Variants in PTPRD observed in about 807,000 individuals in gnomAD.
The protein encoded by PTPRD is receptor-type tyrosine-protein phosphatase delta.
Under a neutral mutation model 214.5 loss-of-function variants are expected in PTPRD, and 34 were observed. That is an observed-to-expected ratio of 0.16 (90% CI 0.12 to 0.21). The LOEUF is 0.21. Among genes scored for constraint, PTPRD ranks in the 10% least tolerant of loss-of-function variants. PTPRD has a pLI of 1.00. For missense variants in PTPRD, 2,545 were observed against 2,398.7 expected (o/e 1.06, Z -1.27); for synonymous variants, 1,128 against 845.7 (o/e 1.33, Z -5.79).
intron 32 of PTPRD, among the ~76,000 whole-genome samples, chr9:8,461,726 A>C (rs1418193445): frequency 6.6e-6 from 1 of 151,908 alleles, no homozygotes; most frequent in Non-Finnish European, 1.5e-5. Flanking sequence ...ATTTTGAATT[A>C]AACCAGTCCC....
At chr9:8,919,449 G>T (rs890098932) in intron 11 of PTPRD, among the ~76,000 whole-genome samples, 3 of 150,450 alleles carry the variant, frequency 2.0e-5, no homozygotes, top group Non-Finnish European at 4.4e-5. Context: ...CAAACTCCAT[G>T]CAATATTTTT....
intron 5 of PTPRD, among the ~76,000 whole-genome samples, chr9:9,907,160 T>G (rs2077805417): frequency 4.9e-5 from 2 of 40,942 alleles, no homozygotes; most frequent in South Asian, 2.4e-3. Flanking sequence ...TTCCCCAAAC[T>G]CCAGGTTTTT....
chr9:10,018,538 C>CTTTTTTTTTTTTTTTTTTT lies in PTPRD; in HGVS notation c.-472+15161_-472+15179dup, dbSNP rs71321214. Among the ~76,000 whole-genome samples, 2 of 71,094 alleles carry CTTTTTTTTTTTTTTTTTTT rather than the reference C, an allele frequency of 2.8e-5. 1 individual carries two copies. Among genetic ancestry groups the CTTTTTTTTTTTTTTTTTTT allele is most frequent in the Non-Finnish European group, 5.4e-5 (2 of 36,838 alleles). 46.6% of individuals were successfully genotyped at this position (71,094 alleles called of 152,430 possible). ...AATGATTTATTTAAGAATTACATTT[C>CTTTTTTTTTTTTTTTTTTT]TTTTTTTTTTTTTTTTTTTTTTTTT... is the stretch of plus-strand genomic sequence containing the variant. On this transcript the variant is annotated intron_variant, in intron 4 of 45. Transcript: ENST00000381196.
intron 3 of PTPRD, among the ~76,000 whole-genome samples, chr9:10,284,035 T>G (rs1359791709): frequency 6.6e-6 from 1 of 152,118 alleles, no homozygotes; most frequent in African/African-American, 2.4e-5. Context: ...GAAAAAGAAA[T>G]AATTTAGACT....
intron 15 of PTPRD, 73 bp from the exon 16 acceptor site, chr9:8,527,426 T>A: frequency 7.0e-7 from 1 of 1,429,386 alleles, no homozygotes; most frequent in Non-Finnish European, 9.7e-7. Flanking sequence ...TTGGTACAAA[T>A]TTTTCAGAGT....
At chr9:9,779,078 CAAAAAAAAAAAAA>C (rs869120926) in intron 5 of PTPRD, among the ~76,000 whole-genome samples, 11 of 45,484 alleles carry the variant, frequency 2.4e-4, no homozygotes, top group Admixed American at 2.1e-3. Context: ...ATAAGACTGA[CAAAAAAAAAAAAA>C]AAAAAAAAAA....
intron 2 of PTPRD, among the ~76,000 whole-genome samples, chr9:10,465,116 G>C (rs111489400): frequency 1.3e-5 from 2 of 152,246 alleles, no homozygotes; most frequent in African/African-American, 2.4e-5. Context: ...GAAGGTATCA[G>C]ATTAATTCCC....
chr9:9,571,537 G>C (rs2086404167), intron 8 of PTPRD, among the ~76,000 whole-genome samples: 1 of 151,038 alleles, frequency 6.6e-6, no homozygotes, highest in South Asian at 2.1e-4. Flanking sequence ...ATATTTTAAT[G>C]ATGCTGTAGA....
chr9:10,590,164 T>C lies in PTPRD; in HGVS notation c.-600+22234A>G, dbSNP rs1385960318. 2.0e-5 allele frequency among the ~76,000 whole-genome samples: 3 copies of C among 152,050 alleles called. No homozygotes were observed. The East Asian group carries it at 5.8e-4, about 29-fold the overall frequency. The stretch of plus-strand genomic sequence containing the variant: ...GATAATTAGCAAGATTCAAATTTTA[T>C]TGCCTTAAGAACAATCATACAAATT... On this transcript the variant is annotated intron_variant, in intron 2 of 45. Coordinates refer to ENST00000381196, the MANE Select transcript of PTPRD (RefSeq NM_002839.4).
intron 30 of PTPRD, among the ~76,000 whole-genome samples, chr9:8,473,058 G>T (rs765602068): frequency 2.0e-5 from 3 of 152,142 alleles, no homozygotes; most frequent in African/African-American, 7.2e-5. Context: ...CCGGAGAGAC[G>T]CATCTGAACT....
chr9:9,189,574 T>G (rs1397062608), intron 9 of PTPRD, among the ~76,000 whole-genome samples: 1 of 152,086 alleles, frequency 6.6e-6, no homozygotes, highest in East Asian at 1.9e-4. Context: ...GTCTTAACAC[T>G]TTATAATGAT....
chr9:8,694,996 G>C (rs1271057732), intron 12 of PTPRD, among the ~76,000 whole-genome samples: 3 of 152,146 alleles, frequency 2.0e-5, no homozygotes, highest in Admixed American at 2.0e-4. Flanking sequence ...ACATCATTCT[G>C]TCACATAAAA....
chr9:10,080,377 G>T (rs1284775964), intron 3 of PTPRD, among the ~76,000 whole-genome samples: 1 of 152,066 alleles, frequency 6.6e-6, no homozygotes, highest in Admixed American at 6.6e-5. Context: ...TGTATGCAGA[G>T]TACATGTGAT....
At chr9:10,487,638 T>C (rs1264485633) in intron 2 of PTPRD, among the ~76,000 whole-genome samples, 1 of 150,456 alleles carries the variant, frequency 6.6e-6, no homozygotes, top group African/African-American at 2.5e-5. Context: ...CACTCATAAG[T>C]GGGAGTTGAA....
At position 8,731,916 on chromosome 9, in the gene PTPRD, T is replaced by G. The variant is rs371295873; in HGVS notation, c.64+1864A>C. Among the ~76,000 whole-genome samples the G allele has an allele frequency of 1.2e-4, 19 of 152,286 alleles. No homozygotes were observed. In the South Asian group the frequency reaches 3.9e-3, roughly 32 times the overall value. ...TTGAAGCCTGCTTCCTCTTTTTAGC[T>G]ATAATGGGAGGAGTGAGAGGGAGTA... is the stretch of plus-strand genomic sequence containing the variant. On this transcript the variant is annotated intron_variant, in intron 12 of 45. Coordinates refer to ENST00000381196, the MANE Select transcript of PTPRD (RefSeq NM_002839.4).
At chr9:9,014,308 G>T (rs1211250750) in intron 11 of PTPRD, among the ~76,000 whole-genome samples, 2 of 151,084 alleles carry the variant, frequency 1.3e-5, no homozygotes, top group African/African-American at 2.4e-5. Context: ...ACAGAAATGT[G>T]CTTATGTTGT....
chr9:8,914,580 A>G lies in PTPRD; in HGVS notation c.-104+104117T>C, dbSNP rs140471017. 3.2e-3 allele frequency among the ~76,000 whole-genome samples: 487 copies of G among 152,274 alleles called. 1 individual carries two copies. The highest frequency in any genetic ancestry group is 0.011 in the African/African-American group (466 of 41,572). On this transcript the variant is annotated intron_variant, in intron 11 of 45. Transcript: ENST00000381196. Reference sequence around the variant, plus strand: ...AGCTGTAATGATTGGGAACTGTTATAGAATTATAACAGTTTGAACATATTT... The same window carrying G: ...AGCTGTAATGATTGGGAACTGTTATGGAATTATAACAGTTTGAACATATTT...
intron 8 of PTPRD, among the ~76,000 whole-genome samples, chr9:9,473,292 A>G (rs1285347752): frequency 1.3e-5 from 2 of 152,158 alleles, no homozygotes; most frequent in Non-Finnish European, 2.9e-5. Flanking sequence ...CGCATGTTGT[A>G]TTGAGTGACA....
intron 21 of PTPRD, among the ~76,000 whole-genome samples, chr9:8,512,895 T>G (rs1184202721): frequency 7.2e-5 from 11 of 152,154 alleles, no homozygotes; most frequent in Non-Finnish European, 1.5e-5. Flanking sequence ...TTACTACTTC[T>G]TTGTCAGAGT....
Sources: gnomAD v4.1 joint callset for allele counts (sites outside exome capture counted in the v4.1 genomes callset) on GRCh38, gnomAD v4.1.1 for gene constraint, MANE v1.5 for transcripts, NCBI Gene and HGNC (gene_info 2026-07-23, HGNC 2026-07-21) for gene names.